The following KIRREL3 variants were observed in gnomAD, a reference collection of about 807,000 sequenced individuals.
KIRREL3 encodes kin of IRRE-like protein 3.
In KIRREL3, 36 loss-of-function variants were observed where a neutral mutation model predicts 89.7. The ratio of observed to expected loss-of-function variants is 0.40; its 90% CI spans 0.31 to 0.53. The LOEUF (loss-of-function observed/expected upper bound fraction) is 0.53. KIRREL3 is among the 20% of genes least tolerant of loss of function. KIRREL3 has a pLI of 0.49. For synonymous variants in KIRREL3, 445 were observed against 441.4 expected (o/e 1.01, Z -0.10); for missense variants, 864 against 1,056.6 (o/e 0.82, Z 2.53).
chr11:126,460,447 T>C (rs1956505085), intron 6 of KIRREL3, among the ~76,000 whole-genome samples: 1 of 152,174 alleles, frequency 6.6e-6, no homozygotes, highest in Non-Finnish European at 1.5e-5. Flanking sequence ...GGAGGTTAAC[T>C]AACCGGGTCA....
At chr11:126,921,436 T>TATCC (rs1288410691) in intron 1 of KIRREL3, among the ~76,000 whole-genome samples, 24 of 152,030 alleles carry the variant, frequency 1.6e-4, no homozygotes, top group Non-Finnish European at 3.2e-4. Flanking sequence ...TCTATCTATC[T>TATCC]ATCTATCTAT....
chr11:126,868,156 G>A (rs1374013590), intron 1 of KIRREL3, among the ~76,000 whole-genome samples: 1 of 152,150 alleles, frequency 6.6e-6, no homozygotes, highest in Non-Finnish European at 1.5e-5. Flanking sequence ...CCAGTCAGAT[G>A]TCTATTAAGC....
chr11:126,588,959 G>A (rs1006752114), intron 1 of KIRREL3, among the ~76,000 whole-genome samples: 1 of 152,154 alleles, frequency 6.6e-6, no homozygotes, highest in Non-Finnish European at 1.5e-5. Flanking sequence ...GGGAGAAAGA[G>A]AGAACAGCAA....
At chr11:126,862,175 ATGT>A (rs529076382) in intron 1 of KIRREL3, among the ~76,000 whole-genome samples, 13 of 152,296 alleles carry the variant, frequency 8.5e-5, no homozygotes, top group Non-Finnish European at 1.3e-4. Context: ...CATACTACAC[ATGT>A]TGTTTTGCTC....
At position 126,905,237 on chromosome 11, in the gene KIRREL3, G is replaced by A. The variant is rs1946530864; in HGVS notation, c.55+95218C>T. 6.6e-6 allele frequency among the ~76,000 whole-genome samples: 1 copy of A among 152,140 alleles called. No homozygotes were observed. The highest frequency in any genetic ancestry group is 2.1e-4 in the South Asian group (1 of 4,820). ...TCCAATAAGTCACCTTCCATGGCAA[G>A]GGGAGGGTGGGTGATATTTTTTAGT... On this transcript the variant is annotated intron_variant, in intron 1 of 16. Transcript: ENST00000525144. This position sits in a 1 kb window ranked among gnomAD's most constrained non-coding sequence, Gnocchi z 5.0.
chr11:126,964,301 A>G (rs534794240), intron 1 of KIRREL3, among the ~76,000 whole-genome samples: 2 of 152,298 alleles, frequency 1.3e-5, no homozygotes, highest in South Asian at 2.1e-4. Flanking sequence ...ATTGATTAGC[A>G]TGGTCAGATT....
chr11:126,638,598 G>GGGGT (rs1944353429), intron 1 of KIRREL3, among the ~76,000 whole-genome samples: 1 of 152,212 alleles, frequency 6.6e-6, no homozygotes, highest in Admixed American at 6.5e-5. Context: ...TAGGCGGGCT[G>GGGGT]GGGTGGGTAG....
In KIRREL3 at chr11:126,773,119, C is replaced by T. The variant is rs1202536484; in HGVS notation, c.56-210207G>A. On this transcript the variant is annotated intron_variant, in intron 1 of 16. Coordinates refer to ENST00000525144, the MANE Select transcript of KIRREL3 (RefSeq NM_032531.4). This position sits in a 1 kb window ranked among gnomAD's most constrained non-coding sequence, Gnocchi z 4.2. ...GGGAATGAGGGAATCTTCAAAATCA[C>T]TGCACATTAATCCATTGATTTTGTA... Among the ~76,000 whole-genome samples, 1 of 152,222 alleles carries T rather than the reference C, an allele frequency of 6.6e-6. No homozygotes were observed. Among genetic ancestry groups the T allele is most frequent in the East Asian group, 1.9e-4 (1 of 5,200 alleles).
chr11:126,701,952 T>C (rs1200175419), intron 1 of KIRREL3, among the ~76,000 whole-genome samples: 1 of 152,216 alleles, frequency 6.6e-6, no homozygotes, highest in Non-Finnish European at 1.5e-5. Context: ...CTGTGTGGTC[T>C]TGAGCAAGTT....
chr11:126,760,972 G>A (rs111357150), intron 1 of KIRREL3, among the ~76,000 whole-genome samples: 3 of 152,306 alleles, frequency 2.0e-5, no homozygotes, highest in Non-Finnish European at 2.9e-5. Context: ...GCTTTATTCT[G>A]TTATCCACTG....
chr11:126,973,100 GAAA>G (rs11449960), intron 1 of KIRREL3, among the ~76,000 whole-genome samples: 1 of 119,636 alleles, frequency 8.4e-6, no homozygotes, highest in Non-Finnish European at 1.6e-5. Context: ...AAGTTTTGAG[GAAA>G]AAAAAAAAAA....
chr11:126,997,510 A>G lies in KIRREL3; in HGVS notation c.55+2945T>C, dbSNP rs1053062528. Among the ~76,000 whole-genome samples the G allele has an allele frequency of 6.6e-6, 1 of 151,730 alleles. No homozygotes were observed. The highest frequency in any genetic ancestry group is 3.2e-3 in the Middle Eastern group (1 of 316). On this transcript the variant is annotated intron_variant, in intron 1 of 16. Coordinates refer to ENST00000525144, the MANE Select transcript of KIRREL3 (RefSeq NM_032531.4). The surrounding 1 kb of genome is among the most constrained non-coding windows in gnomAD (Gnocchi z 4.3). Reference sequence around the variant, plus strand: ...GCCACCTTAAGAAAGATAAAGAAATACTTGATCTCAATCTACATGAAAAGC... The same window carrying G: ...GCCACCTTAAGAAAGATAAAGAAATGCTTGATCTCAATCTACATGAAAAGC...
At position 126,830,931 on chromosome 11, in the gene KIRREL3, T is replaced by C. The variant is rs1385849430; in HGVS notation, c.55+169524A>G. Among the ~76,000 whole-genome samples, 1 of 152,152 alleles carries C rather than the reference T, an allele frequency of 6.6e-6. No homozygotes were observed. Among genetic ancestry groups the C allele is most frequent in the Non-Finnish European group, 1.5e-5 (1 of 68,030 alleles). On this transcript the variant is annotated intron_variant, in intron 1 of 16. Coordinates refer to ENST00000525144, the MANE Select transcript of KIRREL3 (RefSeq NM_032531.4). This position sits in a 1 kb window ranked among gnomAD's most constrained non-coding sequence, Gnocchi z 4.9. ...AGGGGTACGGCCACATATGCCTTCA[T>C]TGATGTGAATAATACCACCCTGGGC...
At chr11:126,803,698 T>A (rs1232682194) in intron 1 of KIRREL3, among the ~76,000 whole-genome samples, 2 of 152,054 alleles carry the variant, frequency 1.3e-5, no homozygotes, top group Non-Finnish European at 2.9e-5. Flanking sequence ...CTCAGGCAAT[T>A]GCTGGCTGTC....
At position 126,790,056 on chromosome 11, in the gene KIRREL3, G is replaced by T. The variant is rs114918652; in HGVS notation, c.55+210399C>A. 3.5e-3 allele frequency among the ~76,000 whole-genome samples: 534 copies of T among 152,260 alleles called. 6 individuals are homozygous for T. Among genetic ancestry groups the T allele is most frequent in the African/African-American group, 0.012 (512 of 41,536 alleles). On this transcript the variant is annotated intron_variant, in intron 1 of 16. Transcript: ENST00000525144. Reference sequence around the variant, plus strand: ...ACCACATCCTCTTCTAGTCTTCTCTGTCTTAGTAACTAAAACCTCTGTCTA... The same window carrying T: ...ACCACATCCTCTTCTAGTCTTCTCTTTCTTAGTAACTAAAACCTCTGTCTA...
chr11:126,849,122 G>A (rs1338691191), intron 1 of KIRREL3, among the ~76,000 whole-genome samples: 2 of 152,172 alleles, frequency 1.3e-5, no homozygotes, highest in Admixed American at 6.5e-5. Flanking sequence ...AGGTCATAAA[G>A]ACCTTGTTGA....
rs1278535411 is a variant in KIRREL3, at chr11:126,870,773, C to T, written c.55+129682G>A. 6.6e-6 allele frequency among the ~76,000 whole-genome samples: 1 copy of T among 152,218 alleles called. No homozygotes were observed. Among genetic ancestry groups the T allele is most frequent in the African/African-American group, 2.4e-5 (1 of 41,466 alleles). On this transcript the variant is annotated intron_variant, in intron 1 of 16. Coordinates refer to ENST00000525144, the MANE Select transcript of KIRREL3 (RefSeq NM_032531.4). The surrounding 1 kb of genome is among the most constrained non-coding windows in gnomAD (Gnocchi z 4.4). ...TGCCATTACAGAGGAGGACAGCTAC[C>T]CAGAGCACACTGCCCCTCCCCACTT...
In KIRREL3 at chr11:126,557,482, T is replaced by C. The variant is rs1312726404; in HGVS notation, c.133+5353A>G. On this transcript the variant is annotated intron_variant, in intron 2 of 16. Coordinates refer to ENST00000525144, the MANE Select transcript of KIRREL3 (RefSeq NM_032531.4). This position sits in a 1 kb window ranked among gnomAD's most constrained non-coding sequence, Gnocchi z 5.6. ...ATACAGGTCATCTTATGAAACATGA[T>C]TCCATTTTGCACATGAGAAGGTTGA... Among the ~76,000 whole-genome samples the C allele has an allele frequency of 6.6e-6, 1 of 152,162 alleles. No homozygotes were observed. The highest frequency in any genetic ancestry group is 1.5e-5 in the Non-Finnish European group (1 of 68,018).
At chr11:126,588,844 T>A (rs558714255) in intron 1 of KIRREL3, among the ~76,000 whole-genome samples, 7 of 152,226 alleles carry the variant, frequency 4.6e-5, no homozygotes, top group African/African-American at 1.7e-4. Flanking sequence ...AGGGCTGGAA[T>A]TCTGTCTCCT....
Sources: allele counts gnomAD v4.1 joint callset (sites outside exome capture counted in the v4.1 genomes callset), GRCh38; gene constraint gnomAD v4.1.1; non-coding constraint Gnocchi (gnomAD v3.1); transcripts MANE v1.5; gene names NCBI Gene and HGNC (gene_info 2026-07-23, HGNC 2026-07-21).